Variants in EVC observed in about 807,000 individuals in gnomAD.
The protein encoded by EVC is evC complex member EVC.
In EVC, 116 loss-of-function variants were observed where a neutral mutation model predicts 118.9. The observed-to-expected ratio is 0.98, with a 90% CI of 0.84 to 1.14. The LOEUF (loss-of-function observed/expected upper bound fraction) is 1.14. Among genes scored for constraint, EVC ranks in the 50% most tolerant of loss-of-function variants. EVC has a pLI of 0.00. For synonymous variants in EVC, 619 were observed against 534.7 expected, an observed-to-expected ratio of 1.16 and a Z score of -2.18; for missense variants, 1,401 against 1,246.4, an observed-to-expected ratio of 1.12 and a Z score of -1.87.
rs965449764 is a variant in EVC at position 5,742,258 on chromosome 4, C to G, written c.801+444C>G. Among the ~76,000 whole-genome samples the G allele has an allele frequency of 2.0e-5, 3 of 152,140 alleles. No individual in the cohort carries two copies. The highest frequency in any genetic ancestry group is 4.4e-5 in the Non-Finnish European group (3 of 68,030). On this transcript the variant is annotated intron_variant, in intron 6 of 20. Transcript: ENST00000264956. This position sits in a 1 kb window ranked among gnomAD's most constrained non-coding sequence, Gnocchi z 5.2. ...ATCCTGGCTTTATCTTTTACAAGCTCTCAGAATCGTAGTTTCCTTTTTGTA... is the reference window on the plus strand; with the variant it reads ...ATCCTGGCTTTATCTTTTACAAGCTGTCAGAATCGTAGTTTCCTTTTTGTA...
Position 5,798,492 on chromosome 4 carries a change from G to A in EVC, c.2098-94G>A. The A allele has an allele frequency of 7.6e-7, 1 of 1,311,332 alleles. No individual in the cohort carries two copies. The highest frequency in any genetic ancestry group is 1.3e-5 in the South Asian group (1 of 79,020). The allele number at this position is 1,311,332 out of a possible 1,614,324, so 81.2% of individuals were successfully genotyped here. On this transcript the variant is annotated intron_variant, in intron 14 of 20. Transcript: ENST00000264956. The surrounding 1 kb of genome is among the most constrained non-coding windows in gnomAD (Gnocchi z 4.1). Reference sequence around the variant, plus strand: ...TCTCCATCCCTTTTCCAACCCCTGGGCCCTGGATAGGACCAGCCCCACATC... The same window carrying A: ...TCTCCATCCCTTTTCCAACCCCTGGACCCTGGATAGGACCAGCCCCACATC...
At chr4:5,711,593 C>A (rs1413827681) in intron 1 of EVC, 39 bp downstream of exon 1, 1 of 1,166,472 alleles carries the variant, frequency 8.6e-7, no homozygotes, top group Non-Finnish European at 1.1e-6. Context: ...GCGGGGAGCG[C>A]GGGGCGCGTG....
In EVC at chr4:5,743,769, G is replaced by C. The variant is rs1728963022; in HGVS notation, c.802-1435G>C. 6.6e-6 allele frequency among the ~76,000 whole-genome samples: 1 copy of C among 152,170 alleles called. No individual in the cohort carries two copies. The highest frequency in any genetic ancestry group is 1.5e-5 in the Non-Finnish European group (1 of 68,036). On this transcript the variant is annotated intron_variant, in intron 6 of 20. Transcript: ENST00000264956. The surrounding 1 kb of genome is among the most constrained non-coding windows in gnomAD (Gnocchi z 4.7). ...TCCTCAGGCAGTGCACGTCGTGCTT[G>C]ACATACATTATTTCATTTAATAGTT...
the EVC span, chr4:5,821,469 A>G: frequency 2.4e-6 from 1 of 420,300 alleles, no homozygotes; most frequent in Non-Finnish European, 4.3e-6. This position sits in a 1 kb window ranked among gnomAD's most constrained non-coding sequence, Gnocchi z 4.4. Flanking sequence ...TAGAAGTGGA[A>G]GGGACAGAAC....
chr4:5,717,249 TG>T (rs1441407011), intron 1 of EVC, among the ~76,000 whole-genome samples: 1 of 152,214 alleles, frequency 6.6e-6, no homozygotes, highest in Non-Finnish European at 1.5e-5. Context: ...GTCATTTTTT[TG>T]TTCTGAGAAT....
intron 14 of EVC, chr4:5,797,555 C>A: frequency 2.0e-6 from 1 of 490,410 alleles, no homozygotes; most frequent in Non-Finnish European, 3.7e-6. Flanking sequence ...GTGGGTGTCC[C>A]ATCTCTTATA....
At chr4:5,824,515 T>A in the EVC span, 26 of 985,226 alleles carry the variant, frequency 2.6e-5, no homozygotes, top group African/African-American at 4.4e-4. Context: ...CCCCTTCCAC[T>A]CTCTCTTTTG....
intron 12 of EVC, 112 bp from the exon 13 acceptor site, chr4:5,793,490 AGAAAGG>A: frequency 1.2e-6 from 1 of 850,458 alleles, no homozygotes; most frequent in Admixed American, 2.0e-5. Context: ...AAATCGGGGC[AGAAAGG>A]GATTTAAAAA....
the EVC span, chr4:5,828,020 G>C: frequency 1.0e-6 from 1 of 984,488 alleles, no homozygotes; most frequent in East Asian, 1.1e-4. Flanking sequence ...AAGGAAGAAA[G>C]GGCGGATCTG....
In EVC at chr4:5,785,194, G is replaced by A. The variant is rs76998683; in HGVS notation, c.1776+1430G>A. Among the ~76,000 whole-genome samples the A allele has an allele frequency of 9.1e-3, 1,390 of 152,224 alleles. 19 individuals carry two copies. Among genetic ancestry groups the A allele is most frequent in the African/African-American group, 0.031 (1,279 of 41,536 alleles). The stretch of plus-strand genomic sequence containing the variant: ...GTGTCCCATTCTTCCTTCTTAGAAC[G>A]CATGGGAGGCCTGGAGGTGCATCAG... On this transcript the variant is annotated intron_variant, in intron 12 of 20. Transcript: ENST00000264956.
intron 11 of EVC, among the ~76,000 whole-genome samples, chr4:5,774,124 A>T (rs1734385300): frequency 6.6e-6 from 1 of 151,704 alleles, no homozygotes; most frequent in Non-Finnish European, 1.5e-5. Context: ...CCCCCTCACT[A>T]GTCCTGTGCC....
Position 5,737,111 on chromosome 4 carries a change from A to G in EVC, c.702+3676A>G, listed in dbSNP as rs1299582859. ...AAAGCAAAACAACCTTATTGCTGAT[A>G]TGGAGAAAGTCTGAGTGGTCTGCAT... On this transcript the variant is annotated intron_variant, in intron 5 of 20. Coordinates refer to ENST00000264956, the MANE Select transcript of EVC (RefSeq NM_153717.3). This position sits in a 1 kb window ranked among gnomAD's most constrained non-coding sequence, Gnocchi z 5.0. Among the ~76,000 whole-genome samples the G allele has an allele frequency of 6.6e-6, 1 of 152,246 alleles. No individual in the cohort carries two copies. Among genetic ancestry groups the G allele is most frequent in the African/African-American group, 2.4e-5 (1 of 41,462 alleles).
chr4:5,821,530 A>G, the EVC span: 1 of 546,454 alleles, frequency 1.8e-6, no homozygotes, highest in Non-Finnish European at 3.3e-6. This position sits in a 1 kb window ranked among gnomAD's most constrained non-coding sequence, Gnocchi z 4.4. Context: ...TGAAAACACC[A>G]TGCTCCGAGG....
chr4:5,738,856 G>A lies in EVC; in HGVS notation c.703-2860G>A, dbSNP rs1012236215. Among the ~76,000 whole-genome samples the A allele has an allele frequency of 2.0e-5, 3 of 151,966 alleles. No homozygotes were observed. Among genetic ancestry groups the A allele is most frequent in the African/African-American group, 4.8e-5 (2 of 41,356 alleles). The stretch of plus-strand genomic sequence containing the variant: ...GCTGGGATTACGGGTGTGAGCCACC[G>A]CACCCAGCCCAACAACTTTTTTTTA... On this transcript the variant is annotated intron_variant, in intron 5 of 20. Coordinates refer to ENST00000264956, the MANE Select transcript of EVC (RefSeq NM_153717.3). This position sits in a 1 kb window ranked among gnomAD's most constrained non-coding sequence, Gnocchi z 6.5.
At chr4:5,716,660 C>G (rs1267668750) in intron 1 of EVC, among the ~76,000 whole-genome samples, 1 of 152,210 alleles carries the variant, frequency 6.6e-6, no homozygotes, top group East Asian at 1.9e-4. Context: ...AACCAAACAT[C>G]TCCTGACTCT....
Position 5,715,740 on chromosome 4 carries a change from C to CCTTTTTTTTTTTTTTTTTTTTTTTTTT in EVC, c.175-3508_175-3507insCTTTTTTTTTTTTTTTTTTTTTTTTTT. 5.6e-5 allele frequency among the ~76,000 whole-genome samples: 4 copies of CCTTTTTTTTTTTTTTTTTTTTTTTTTT among 70,992 alleles called. 2 individuals carry two copies. The highest frequency in any genetic ancestry group is 8.8e-4 in the South Asian group (2 of 2,264). The allele number at this position is 70,992 out of a possible 152,430, so 46.6% of individuals were successfully genotyped here. On this transcript the variant is annotated intron_variant, in intron 1 of 20. Coordinates refer to ENST00000264956, the MANE Select transcript of EVC (RefSeq NM_153717.3). ...AATTTCGAAGGCATTTTTCCATTGT[C>CCTTTTTTTTTTTTTTTTTTTTTTTTTT]TTTTTTTTTTTTTTTTTTTTTGAGA...
intron 11 of EVC, among the ~76,000 whole-genome samples, chr4:5,771,731 C>T (rs1400385144): frequency 6.6e-6 from 1 of 152,134 alleles, no homozygotes; most frequent in African/African-American, 2.4e-5. Context: ...AAGCAGGTGT[C>T]CATGGGCGCT....
intron 12 of EVC, among the ~76,000 whole-genome samples, chr4:5,788,719 C>T (rs1469772194): frequency 1.3e-5 from 2 of 152,166 alleles, no homozygotes. Flanking sequence ...CCTCTTAGCA[C>T]CCTGGTCAAA....
chr4:5,825,354 A>G, the EVC span: 1 of 1,424,100 alleles, frequency 7.0e-7, no homozygotes. The surrounding 1 kb of genome is among the most constrained non-coding windows in gnomAD (Gnocchi z 4.4). Flanking sequence ...CAGTGAGAGC[A>G]GGCTCGGGTG....
Sources: allele counts gnomAD v4.1 joint callset (sites outside exome capture counted in the v4.1 genomes callset), GRCh38; gene constraint gnomAD v4.1.1; non-coding constraint Gnocchi (gnomAD v3.1); transcripts MANE v1.5; gene names NCBI Gene and HGNC (gene_info 2026-07-23, HGNC 2026-07-21).